Variants in FGF12 observed in about 807,000 individuals in gnomAD.
FGF12 encodes fibroblast growth factor 12.
FGF12 carries 14 observed loss-of-function variants against 23.6 expected under a neutral mutation model. That is an observed-to-expected ratio of 0.59 (90% CI 0.39 to 0.93). The LOEUF is 0.93. Ranked by LOEUF, FGF12 falls within the 40% of genes least tolerant of loss-of-function variation. The pLI is 0.00. For missense variants in FGF12, 175 were observed against 217.8 expected (o/e 0.80, Z 1.24); for synonymous variants, 62 against 77.3 (o/e 0.80, Z 1.04).
intron 4 of FGF12, among the ~76,000 whole-genome samples, chr3:192,297,193 G>T (rs907859777): frequency 5.9e-5 from 9 of 152,130 alleles, no homozygotes; most frequent in Non-Finnish European, 1.2e-4. Flanking sequence ...AATTTCCCAC[G>T]ATTTGCGTCA....
intron 4 of FGF12, among the ~76,000 whole-genome samples, chr3:192,229,855 T>A (rs148638142): frequency 6.6e-5 from 10 of 152,282 alleles, no homozygotes; most frequent in African/African-American, 2.4e-4. Context: ...TTCATACACC[T>A]GAAAAGCTTG....
At chr3:192,581,327 AGGCT>A (rs1238563771) in intron 2 of FGF12, among the ~76,000 whole-genome samples, 1 of 151,854 alleles carries the variant, frequency 6.6e-6, no homozygotes, top group Non-Finnish European at 1.5e-5. Flanking sequence ...GAACTTTGGG[AGGCT>A]GAGGCAGGAG....
At chr3:192,254,172 C>T (rs760466251) in intron 4 of FGF12, among the ~76,000 whole-genome samples, 1 of 151,814 alleles carries the variant, frequency 6.6e-6, no homozygotes, top group Non-Finnish European at 1.5e-5. Flanking sequence ...AATATCTCCC[C>T]AACCCCTCCT....
At chr3:192,561,071 A>G (rs1042313202) in intron 2 of FGF12, among the ~76,000 whole-genome samples, 7 of 152,166 alleles carry the variant, frequency 4.6e-5, no homozygotes, top group African/African-American at 1.7e-4. Context: ...ACATGACTCC[A>G]TTTATCTGAT....
chr3:192,506,712 C>A (rs189289435), intron 2 of FGF12, among the ~76,000 whole-genome samples: 90 of 151,848 alleles, frequency 5.9e-4, no homozygotes, highest in African/African-American at 2.0e-3. Context: ...CATAACTTAA[C>A]CCTTGCCTGG....
At chr3:192,638,143 T>C (rs551322444) in intron 2 of FGF12, among the ~76,000 whole-genome samples, 2 of 152,284 alleles carry the variant, frequency 1.3e-5, no homozygotes, top group East Asian at 3.9e-4. Context: ...TATGTACATA[T>C]ATAAATAATA....
chr3:192,371,894 A>G (rs890011047), intron 2 of FGF12, among the ~76,000 whole-genome samples: 1 of 152,176 alleles, frequency 6.6e-6, no homozygotes, highest in Non-Finnish European at 1.5e-5. Flanking sequence ...GAACTCTAAC[A>G]TGCTAATACA....
At chr3:192,170,259 G>A (rs1313444244) in intron 5 of FGF12, among the ~76,000 whole-genome samples, 199 bp downstream of exon 5, 8 of 138,646 alleles carry the variant, frequency 5.8e-5, no homozygotes, top group Non-Finnish European at 6.1e-5. Flanking sequence ...TAGTGTGGGC[G>A]ACAGAGCAAG....
At chr3:192,167,089 C>A (rs1368908302) in intron 5 of FGF12, among the ~76,000 whole-genome samples, 1 of 146,236 alleles carries the variant, frequency 6.8e-6, no homozygotes, top group East Asian at 2.0e-4. Flanking sequence ...AAGCCTGAAG[C>A]AGAGTTTTTA....
At chr3:192,269,693 C>G (rs1713304711) in intron 4 of FGF12, among the ~76,000 whole-genome samples, 6 of 152,178 alleles carry the variant, frequency 3.9e-5, no homozygotes, top group Admixed American at 3.9e-4. Flanking sequence ...GCAGAGTCTA[C>G]CCAATAACTC....
At position 192,571,077 on chromosome 3, in the gene FGF12, G is replaced by A. The variant is rs73887636; in HGVS notation, c.13+156104C>T. Among the ~76,000 whole-genome samples the A allele has an allele frequency of 5.8e-3, 851 of 146,664 alleles. 11 individuals are homozygous for A. Among genetic ancestry groups the A allele is most frequent in the African/African-American group, 0.02 (815 of 41,110 alleles). Reference sequence around the variant, plus strand: ...TCTCTGCTTTCATTTCTACATTGGTGTTGGGGGGAAAAAACAAACCTTATT... The same window carrying A: ...TCTCTGCTTTCATTTCTACATTGGTATTGGGGGGAAAAAACAAACCTTATT... On this transcript the variant is annotated intron_variant, in intron 2 of 5. Coordinates refer to ENST00000445105, the MANE Select transcript of FGF12 (RefSeq NM_004113.6).
At chr3:192,361,068 C>T (rs1334437576) in intron 2 of FGF12, among the ~76,000 whole-genome samples, 1 of 144,728 alleles carries the variant, frequency 6.9e-6, no homozygotes, top group African/African-American at 2.6e-5. Context: ...CTTCCACGGC[C>T]ATGAGATGTC....
intron 5 of FGF12, among the ~76,000 whole-genome samples, chr3:192,167,762 TATATATAAA>T (rs1484660441): frequency 7.9e-5 from 3 of 38,164 alleles, no homozygotes; most frequent in Non-Finnish European, 1.0e-4. Context: ...TATATATATA[TATATATAAA>T]ATTTTTTTTT....
chr3:192,453,008 T>TA (rs946411484), intron 2 of FGF12, among the ~76,000 whole-genome samples: 2 of 152,248 alleles, frequency 1.3e-5, no homozygotes, highest in Non-Finnish European at 2.9e-5. Flanking sequence ...AATTTTCAGT[T>TA]ACTTGTTTTC....
chr3:192,204,571 A>G (rs1164431038), intron 4 of FGF12, among the ~76,000 whole-genome samples: 1 of 152,182 alleles, frequency 6.6e-6, no homozygotes, highest in African/African-American at 2.4e-5. Context: ...AGGTCCCATA[A>G]TATCAGGAGT....
At chr3:192,557,223 T>C (rs894773164) in intron 2 of FGF12, among the ~76,000 whole-genome samples, 1 of 150,132 alleles carries the variant, frequency 6.7e-6, no homozygotes, top group Non-Finnish European at 1.5e-5. Context: ...ATAAATAAAA[T>C]ACAAGTAGAA....
chr3:192,268,058 T>C (rs1713191132), intron 4 of FGF12, among the ~76,000 whole-genome samples: 1 of 152,198 alleles, frequency 6.6e-6, no homozygotes, highest in African/African-American at 2.4e-5. Context: ...GCTTTTATTT[T>C]AAAACATGAA....
chr3:192,350,939 G>C (rs1718191671), intron 3 of FGF12, among the ~76,000 whole-genome samples: 1 of 152,150 alleles, frequency 6.6e-6, no homozygotes, highest in African/African-American at 2.4e-5. Flanking sequence ...GAGAGTTATT[G>C]CAAGAGTCCA....
chr3:192,516,318 C>A (rs538642230), intron 2 of FGF12, among the ~76,000 whole-genome samples: 2 of 152,272 alleles, frequency 1.3e-5, no homozygotes, highest in Admixed American at 1.3e-4. Flanking sequence ...CTAGGTAATT[C>A]ATTGCACGAA....
Sources: allele counts gnomAD v4.1 joint callset (sites outside exome capture counted in the v4.1 genomes callset), GRCh38; gene constraint gnomAD v4.1.1; transcripts MANE v1.5; gene names NCBI Gene and HGNC (gene_info 2026-07-23, HGNC 2026-07-21).